The following IGSF21 variants were observed in gnomAD, a reference collection of about 807,000 sequenced individuals.
The protein encoded by IGSF21 is immunoglobulin superfamily member 21.
In IGSF21, 28 loss-of-function variants were observed where a neutral mutation model predicts 46.8. The observed-to-expected ratio is 0.60, with a 90% CI of 0.44 to 0.82. IGSF21 has a LOEUF of 0.82. IGSF21 is among the 40% of genes least tolerant of loss of function. The pLI is 0.00. For missense variants in IGSF21, 624 were observed against 665.5 expected (o/e 0.94, Z 0.69); for synonymous variants, 284 against 273.6 (o/e 1.04, Z -0.38).
At chr1:18,112,570 T>A (rs1036140121) in intron 1 of IGSF21, 6 of 152,184 alleles carry the variant, frequency 3.9e-5, no homozygotes, top group African/African-American at 1.4e-4. Context: ...TGCAGAGTCA[T>A]TGAATGGCAA....
At chr1:18,237,988 A>G (rs951244277) in intron 2 of IGSF21, among the ~76,000 whole-genome samples, 1 of 146,314 alleles carries the variant, frequency 6.8e-6, no homozygotes, top group African/African-American at 2.5e-5. Context: ...TCCCTAGGAA[A>G]TATGTGGATG....
chr1:18,349,925 C>A (rs1317741663), intron 4 of IGSF21, among the ~76,000 whole-genome samples: 2 of 151,742 alleles, frequency 1.3e-5, no homozygotes, highest in African/African-American at 4.8e-5. Context: ...ACAAATATAA[C>A]AAATCACACG....
intron 2 of IGSF21, among the ~76,000 whole-genome samples, chr1:18,264,465 A>G (rs1185568680): frequency 6.6e-6 from 1 of 152,196 alleles, no homozygotes; most frequent in Non-Finnish European, 1.5e-5. Flanking sequence ...CAGACAAGTC[A>G]TTGCACACTG....
chr1:18,206,755 G>T (rs887866414), intron 1 of IGSF21, among the ~76,000 whole-genome samples: 2 of 152,278 alleles, frequency 1.3e-5, no homozygotes, highest in East Asian at 3.9e-4. Flanking sequence ...GAGGACTTTG[G>T]CTCTGACTGT....
chr1:18,341,568 C>G (rs887947548), intron 4 of IGSF21, among the ~76,000 whole-genome samples: 51 of 152,196 alleles, frequency 3.4e-4, no homozygotes, highest in African/African-American at 1.1e-3. Context: ...GTGCTAAACT[C>G]TTCTTGTGTT....
At chr1:18,274,581 A>G (rs1004163878) in intron 2 of IGSF21, among the ~76,000 whole-genome samples, 1 of 152,258 alleles carries the variant, frequency 6.6e-6, no homozygotes, top group African/African-American at 2.4e-5. Flanking sequence ...GTTTTGTGCT[A>G]TAAGAGCAGA....
chr1:18,355,192 C>T (rs2086002687), intron 4 of IGSF21, among the ~76,000 whole-genome samples: 1 of 152,186 alleles, frequency 6.6e-6, no homozygotes, highest in Non-Finnish European at 1.5e-5. Context: ...CACAGTTTGA[C>T]ACAGGTTTGG....
chr1:18,212,421 T>C (rs1194852818), intron 1 of IGSF21, among the ~76,000 whole-genome samples: 2 of 152,176 alleles, frequency 1.3e-5, no homozygotes, highest in Admixed American at 6.5e-5. Flanking sequence ...ACTTCTCCAA[T>C]AGAACATTTC....
chr1:18,251,128 T>C (rs1326430381), intron 2 of IGSF21, among the ~76,000 whole-genome samples: 1 of 151,952 alleles, frequency 6.6e-6, no homozygotes, highest in Admixed American at 6.6e-5. Context: ...TCTTGGAAAA[T>C]AGGCAAAGGA....
chr1:18,129,004 A>G (rs2086296363), intron 1 of IGSF21, among the ~76,000 whole-genome samples: 1 of 152,192 alleles, frequency 6.6e-6, no homozygotes, highest in Admixed American at 6.5e-5. Context: ...GGAGGCAGAA[A>G]GGTATTAATT....
intron 1 of IGSF21, among the ~76,000 whole-genome samples, chr1:18,191,141 A>G (rs539671388): frequency 3.9e-4 from 60 of 152,228 alleles, no homozygotes; most frequent in African/African-American, 1.4e-3. Context: ...CCCCTCACCC[A>G]TTCCTCGTTA....
rs547851425 is a variant in IGSF21, at chr1:18,135,711, G to A, written c.70+27513G>A. 4.1e-4 allele frequency among the ~76,000 whole-genome samples: 62 copies of A among 152,170 alleles called. 1 individual carries two copies. The highest frequency in any genetic ancestry group is 2.3e-3 in the East Asian group (12 of 5,178). ...AGTCTTTGCTATTGTGAATAGTGCC[G>A]CAATAAATATACGTGTGCATATGTC... On this transcript the variant is annotated intron_variant, in intron 1 of 9. Transcript: ENST00000251296.
chr1:18,301,392 T>G (rs866737056), intron 3 of IGSF21, among the ~76,000 whole-genome samples: 9 of 152,182 alleles, frequency 5.9e-5, no homozygotes, highest in Non-Finnish European at 1.2e-4. Flanking sequence ...CAGGCTGGAG[T>G]GCACTGGCAC....
intron 1 of IGSF21, among the ~76,000 whole-genome samples, chr1:18,160,308 CG>C (rs1248871271): frequency 6.6e-6 from 1 of 152,168 alleles, no homozygotes; most frequent in African/African-American, 2.4e-5. Context: ...ATCCATAAAA[CG>C]GGCTAAACCT....
At chr1:18,132,335 C>T (rs1456148023) in intron 1 of IGSF21, among the ~76,000 whole-genome samples, 1 of 152,212 alleles carries the variant, frequency 6.6e-6, no homozygotes, top group Non-Finnish European at 1.5e-5. Context: ...GATTTATGGT[C>T]AGCCCTGTGG....
chr1:18,199,843 C>A (rs1393329321), intron 1 of IGSF21, among the ~76,000 whole-genome samples: 1 of 152,188 alleles, frequency 6.6e-6, no homozygotes, highest in African/African-American at 2.4e-5. Context: ...CCCGCTTCGT[C>A]AGATAAGGTG....
rs2086153881 is a variant in IGSF21, at chr1:18,365,492, G to A, written c.810G>A (p.Val270=). ...PTTENIPETV[V]SREFPRWVHS... Reference sequence around the variant, plus strand: ...CAGAGAACATACCAGAGACGGTCGTGAGCCGTGAGTTTCCCCGCTGGGTCC... The same window carrying A: ...CAGAGAACATACCAGAGACGGTCGTAAGCCGTGAGTTTCCCCGCTGGGTCC... Residue 270 remains valine (V), a synonymous_variant, in exon 6 of 10, where the codon GTG becomes GTA. Transcript: ENST00000251296. This position sits in a 1 kb window ranked among gnomAD's most constrained non-coding sequence, Gnocchi z 4.8. The A allele has an allele frequency of 6.2e-7, 1 of 1,613,832 alleles. No homozygotes were observed. The highest frequency in any genetic ancestry group is 1.7e-5 in the Admixed American group (1 of 59,984).
intron 2 of IGSF21, among the ~76,000 whole-genome samples, chr1:18,259,757 A>C (rs1044794503): frequency 6.6e-6 from 1 of 152,176 alleles, no homozygotes; most frequent in African/African-American, 2.4e-5. Flanking sequence ...GTGGGTGGAG[A>C]GAACTTGGAG....
chr1:18,271,806 G>A (rs149706101), intron 2 of IGSF21, among the ~76,000 whole-genome samples: 50 of 152,320 alleles, frequency 3.3e-4, no homozygotes, highest in African/African-American at 1.2e-3. Flanking sequence ...AGGTGTCAAG[G>A]AGATTTTGGG....
Sources: gnomAD v4.1 joint callset for allele counts (sites outside exome capture counted in the v4.1 genomes callset) on GRCh38, gnomAD v4.1.1 for gene constraint, Gnocchi (gnomAD v3.1) non-coding constraint, MANE v1.5 for transcripts, NCBI Gene and HGNC (gene_info 2026-07-23, HGNC 2026-07-21) for gene names.